The following ALPK3 variants were observed in gnomAD, a reference collection of about 807,000 sequenced individuals.
ALPK3 encodes the protein alpha kinase 3, also known as alpha-protein kinase 3.
Under a neutral mutation model 140.0 loss-of-function variants are expected in ALPK3, and 102 were observed. The observed-to-expected ratio is 0.73, with a 90% CI of 0.62 to 0.86. ALPK3 has a LOEUF of 0.86. Ranked by LOEUF, ALPK3 falls within the 40% of genes least tolerant of loss-of-function variation. ALPK3 has a pLI of 0.00. For synonymous variants in ALPK3, 938 were observed against 898.5 expected, an observed-to-expected ratio of 1.04 and a Z score of -0.79; for missense variants, 2,254 against 2,208.2, an observed-to-expected ratio of 1.02 and a Z score of -0.42.
intron 5 of ALPK3, among the ~76,000 whole-genome samples, chr15:84,847,534 A>G (rs982708407): frequency 2.0e-5 from 3 of 152,236 alleles, no homozygotes; most frequent in East Asian, 1.9e-4. Context: ...CCAGAGAAAC[A>G]TAATACATTA....
At chr15:84,865,696 C>T (rs554624918) in intron 12 of ALPK3, among the ~76,000 whole-genome samples, 5 of 152,344 alleles carry the variant, frequency 3.3e-5, no homozygotes, top group South Asian at 2.1e-4. Context: ...CGGAGGCTCA[C>T]GCCTGTAATC....
chr15:84,855,129 C>T (rs1005092894), intron 5 of ALPK3, among the ~76,000 whole-genome samples: 3 of 152,354 alleles, frequency 2.0e-5, no homozygotes, highest in African/African-American at 7.2e-5. Context: ...ATCTCCTCTC[C>T]TTGTCTGCTC....
chr15:84,818,469 T>A (rs190051464), intron 1 of ALPK3, among the ~76,000 whole-genome samples: 4 of 152,356 alleles, frequency 2.6e-5, no homozygotes, highest in Admixed American at 2.6e-4. Flanking sequence ...TTCCCTTCAC[T>A]TCTGGAGTCT....
intron 9 of ALPK3, among the ~76,000 whole-genome samples, chr15:84,861,473 G>T (rs980997954): frequency 6.6e-6 from 1 of 152,128 alleles, no homozygotes; most frequent in Non-Finnish European, 1.5e-5. Flanking sequence ...TAATGTTAAG[G>T]TTGGTCACTG....
At chr15:84,850,546 G>A (rs1210585204) in intron 5 of ALPK3, among the ~76,000 whole-genome samples, 1 of 151,802 alleles carries the variant, frequency 6.6e-6, no homozygotes, top group South Asian at 2.1e-4. Context: ...ACCACACCTG[G>A]CTAAATATTT....
Position 84,863,615 on chromosome 15 carries a change from G to T in ALPK3, c.4474G>T (p.Ala1492Ser). 2 of 1,614,060 alleles carry T rather than the reference G, an allele frequency of 1.2e-6. No homozygotes were observed. The highest frequency in any genetic ancestry group is 1.1e-5 in the South Asian group (1 of 91,082). The change falls in exon 11 of 14, where the codon GCG (alanine) becomes TCG (serine). Residue 1492 changes from alanine to serine, a missense_variant. This residue lies in a region of ALPK3 where 2,088 missense variants were observed against 2,022.9 expected (regional missense o/e 1.03). Transcript: ENST00000258888. ...AATCTTCGCAGCAGAAGCCCGGGCCGCGCCTGGCTTTGGGGAGGTGCCTGA... is the reference window on the plus strand; with the variant it reads ...AATCTTCGCAGCAGAAGCCCGGGCCTCGCCTGGCTTTGGGGAGGTGCCTGA... ...CKIFAAEARAAPGFGEVPEII... is the reference protein window; with the variant it reads ...CKIFAAEARASPGFGEVPEII...
intron 13 of ALPK3, among the ~76,000 whole-genome samples, chr15:84,867,828 C>T (rs1340624619): frequency 6.6e-6 from 1 of 152,128 alleles, no homozygotes; most frequent in Non-Finnish European, 1.5e-5. Flanking sequence ...GCCTCTAACC[C>T]TAGCACTTTG....
At chr15:84,850,558 GT>G (rs912394790) in intron 5 of ALPK3, among the ~76,000 whole-genome samples, 25 of 145,242 alleles carry the variant, frequency 1.7e-4, no homozygotes, top group African/African-American at 4.5e-4. Context: ...TAAATATTTT[GT>G]TTTTTTTTTG....
chr15:84,822,864 G>A (rs1459085585), intron 1 of ALPK3, among the ~76,000 whole-genome samples: 2 of 152,230 alleles, frequency 1.3e-5, no homozygotes, highest in Non-Finnish European at 2.9e-5. Context: ...ACATATTAAT[G>A]ATGGGTGTTC....
chr15:84,831,018 CT>C (rs1229068177), intron 3 of ALPK3, among the ~76,000 whole-genome samples: 4 of 152,130 alleles, frequency 2.6e-5, no homozygotes, highest in Non-Finnish European at 4.4e-5. Flanking sequence ...TGCCCGGCCT[CT>C]TTTTTTCTAC....
intron 3 of ALPK3, among the ~76,000 whole-genome samples, chr15:84,838,013 C>A (rs1338381141): frequency 6.6e-6 from 1 of 152,172 alleles, no homozygotes; most frequent in African/African-American, 2.4e-5. Flanking sequence ...AGGTAAGGGA[C>A]ACGTGACAGT....
At chr15:84,852,705 G>A (rs1305823181) in intron 5 of ALPK3, 5 of 180,776 alleles carry the variant, frequency 2.8e-5, no homozygotes, top group Non-Finnish European at 5.8e-5. Context: ...CACGGAAAGC[G>A]AAACCGTGAA....
chr15:84,829,573 C>T (rs1483712183), intron 3 of ALPK3, among the ~76,000 whole-genome samples: 1 of 152,122 alleles, frequency 6.6e-6, no homozygotes, highest in African/African-American at 2.4e-5. Flanking sequence ...AGGTAGGAAG[C>T]GGTGTTGCTC....
intron 12 of ALPK3, 123 bp from the exon 13 acceptor site, chr15:84,867,194 G>T: frequency 4.9e-5 from 32 of 658,362 alleles, no homozygotes; most frequent in East Asian, 7.6e-5. Context: ...CTGGTTCTAA[G>T]CCCCCATGTC....
At chr15:84,847,014 C>A (rs1159396725) in intron 5 of ALPK3, among the ~76,000 whole-genome samples, 1 of 152,142 alleles carries the variant, frequency 6.6e-6, no homozygotes, top group Non-Finnish European at 1.5e-5. Context: ...ATCCACTCAC[C>A]TCAGCCCCAA....
chr15:84,859,102 C>G, intron 6 of ALPK3, 141 bp from the exon 7 acceptor site: 1 of 1,169,716 alleles, frequency 8.5e-7, no homozygotes, highest in Non-Finnish European at 1.2e-6. Context: ...GCAGGAGGCA[C>G]CGGGGGGCTG....
At position 84,827,534 on chromosome 15, in the gene ALPK3, T is replaced by C. The variant is rs376043148; in HGVS notation, c.233T>C (p.Leu78Pro). Residue 78 changes from leucine to proline, a missense_variant, in exon 3 of 14, where the codon CTA (leucine) becomes CCA (proline). Leu to Pro is a moderately conservative substitution (Grantham distance 98, BLOSUM62 -3). Coordinates refer to ENST00000258888, the MANE Select transcript of ALPK3 (RefSeq NM_020778.5). Reference protein sequence around the residue: ...IAQLTEETQPLFETTLKSRSV... With the variant: ...IAQLTEETQPPFETTLKSRSV... The stretch of plus-strand genomic sequence containing the variant: ...CAGCTCACAGAGGAGACCCAGCCGC[T>C]ATTTGAGACCACGCTCAAGTCCCGG... 2 of 1,614,102 alleles carry C rather than the reference T, an allele frequency of 1.2e-6. No homozygotes were observed. The highest frequency in any genetic ancestry group is 1.7e-6 in the Non-Finnish European group (2 of 1,180,038).
rs142214001 is a variant in ALPK3 at position 84,856,896 on chromosome 15, A to G, written c.2158A>G (p.Met720Val). The change falls in exon 6 of 14, where the codon ATG (methionine) becomes GTG (valine). Residue 720 changes from methionine to valine, a missense_variant. Around this residue, in one of 3 missense-constraint regions of ALPK3, gnomAD observed 2,088 missense variants for 2,022.9 expected, o/e 1.03. Coordinates refer to ENST00000258888, the MANE Select transcript of ALPK3 (RefSeq NM_020778.5). The part of the protein sequence containing the change: ...TQSEGSAPTA[M>V]EGQSEQEVAT... ...GTCAGAGGGGAGCGCGCCCACAGCC[A>G]TGGAAGGTCAGTCTGAGCAAGAGGT... is the stretch of plus-strand genomic sequence containing the variant. 10 of 1,613,934 alleles carry G rather than the reference A, an allele frequency of 6.2e-6. No homozygotes were observed. The highest frequency in any genetic ancestry group is 8.5e-6 in the Non-Finnish European group (10 of 1,180,006).
intron 5 of ALPK3, among the ~76,000 whole-genome samples, chr15:84,849,953 T>G (rs752758367): frequency 1.0e-4 from 15 of 150,650 alleles, no homozygotes; most frequent in Non-Finnish European, 1.9e-4. Flanking sequence ...CCAAAGCTAG[T>G]TATTTGAAAA....
Sources: gnomAD v4.1 joint callset for allele counts (sites outside exome capture counted in the v4.1 genomes callset) on GRCh38, gnomAD v4.1.1 for gene constraint, gnomAD v4.1.1 regional missense constraint, MANE v1.5 for transcripts, NCBI Gene and HGNC (gene_info 2026-07-23, HGNC 2026-07-21) for gene names.